The following NBEAL1 variants were observed in gnomAD, a reference collection of about 807,000 sequenced individuals.
NBEAL1 encodes the protein neurobeachin like 1.
In NBEAL1, 273 loss-of-function variants were observed where a neutral mutation model predicts 351.3. The observed-to-expected ratio is 0.78, with a 90% CI of 0.70 to 0.86. The LOEUF (loss-of-function observed/expected upper bound fraction) is 0.86. Among genes scored for constraint, NBEAL1 ranks in the 40% least tolerant of loss-of-function variants. The pLI is 0.00. For synonymous variants in NBEAL1, 1,050 were observed against 1,086.4 expected (o/e 0.97, Z 0.66); for missense variants, 2,961 against 3,201.3 (o/e 0.92, Z 1.81).
At chr2:203,152,311 C>G (rs1008176139) in intron 35 of NBEAL1, among the ~76,000 whole-genome samples, 1 of 150,380 alleles carries the variant, frequency 6.6e-6, no homozygotes, top group African/African-American at 2.5e-5. Flanking sequence ...TTATAGTGCT[C>G]TAGACCCTTA....
chr2:203,097,883 G>A (rs889132455), intron 11 of NBEAL1, among the ~76,000 whole-genome samples: 1 of 152,094 alleles, frequency 6.6e-6, no homozygotes, highest in Non-Finnish European at 1.5e-5. Context: ...TTTTCAATTT[G>A]AGGAGATATA....
At chr2:203,175,366 G>A (rs2064468737) in intron 42 of NBEAL1, 79 bp downstream of exon 42, 2 of 1,381,530 alleles carry the variant, frequency 1.4e-6, no homozygotes, top group Admixed American at 4.6e-5. Flanking sequence ...CATGTACTGT[G>A]TAACATGTCT....
Position 203,194,201 on chromosome 2 carries a change from G to A in NBEAL1, c.7038+290G>A, listed in dbSNP as rs1003165184. ...AAATGCTTCTTGTGACAATCGAGAT[G>A]ATATGTAGATGGAGATAATAATTTA... On this transcript the variant is annotated intron_variant, in intron 47 of 55. Coordinates refer to ENST00000683969, the MANE Select transcript of NBEAL1 (RefSeq NM_001378026.1). 6.6e-5 allele frequency among the ~76,000 whole-genome samples: 10 copies of A among 152,272 alleles called. No homozygotes were observed. The East Asian group carries it at 1.9e-3, about 29-fold the overall frequency.
At chr2:203,206,046 C>G (rs916541983) in intron 51 of NBEAL1, among the ~76,000 whole-genome samples, 12 of 152,068 alleles carry the variant, frequency 7.9e-5, no homozygotes, top group Admixed American at 5.9e-4. Context: ...AGACAAAGCA[C>G]GCTAAAGACA....
intron 2 of NBEAL1, among the ~76,000 whole-genome samples, chr2:203,028,102 T>C (rs1168323029): frequency 1.3e-5 from 2 of 152,088 alleles, no homozygotes; most frequent in African/African-American, 4.8e-5. Context: ...CAGGAAGGTC[T>C]TGATCTCTTG....
At chr2:203,153,256 C>G (rs2063709564) in intron 35 of NBEAL1, among the ~76,000 whole-genome samples, 1 of 151,328 alleles carries the variant, frequency 6.6e-6, no homozygotes, top group South Asian at 2.1e-4. Context: ...CCTCAGCCTC[C>G]TGATTAGCTG....
At chr2:203,049,744 T>G in intron 3 of NBEAL1, 70 bp from the exon 4 acceptor site, 2 of 1,350,142 alleles carry the variant, frequency 1.5e-6, no homozygotes, top group Non-Finnish European at 2.0e-6. Flanking sequence ...AAAATGAAGT[T>G]CATTTAAATG....
At chr2:203,018,690 A>G (rs1325361814) in intron 2 of NBEAL1, among the ~76,000 whole-genome samples, 6 of 152,144 alleles carry the variant, frequency 3.9e-5, no homozygotes, top group African/African-American at 1.4e-4. Context: ...GAGATGTTAT[A>G]GTGAACTCTT....
At chr2:203,044,812 A>G (rs915501538) in intron 3 of NBEAL1, among the ~76,000 whole-genome samples, 10 of 152,198 alleles carry the variant, frequency 6.6e-5, no homozygotes, top group Non-Finnish European at 8.8e-5. Flanking sequence ...TTCATAATGT[A>G]AAGCAGAGAT....
At chr2:203,159,186 G>T (rs956651532) in intron 36 of NBEAL1, among the ~76,000 whole-genome samples, 1 of 151,976 alleles carries the variant, frequency 6.6e-6, no homozygotes, top group Non-Finnish European at 1.5e-5. Flanking sequence ...TCTTATCCAG[G>T]GAGGTCTTTA....
intron 41 of NBEAL1, among the ~76,000 whole-genome samples, chr2:203,173,266 AAAG>A (rs1304406330): frequency 6.6e-6 from 1 of 152,174 alleles, no homozygotes; most frequent in African/African-American, 2.4e-5. Context: ...TAATGTGAAT[AAAG>A]AAGAGAGAAT....
At chr2:203,158,625 G>T (rs1019839913) in intron 36 of NBEAL1, among the ~76,000 whole-genome samples, 1 of 151,946 alleles carries the variant, frequency 6.6e-6, no homozygotes. Context: ...GCTGTTTTAT[G>T]CAGTTGTCTT....
At chr2:203,210,036 C>G (rs1437281461) in intron 53 of NBEAL1, among the ~76,000 whole-genome samples, 1 of 152,070 alleles carries the variant, frequency 6.6e-6, no homozygotes, top group Non-Finnish European at 1.5e-5. Context: ...CAGACATGAG[C>G]CACCATGCCC....
At chr2:203,039,226 CTTCCCTTCCCTTCCCT>C (rs2061091189) in intron 2 of NBEAL1, among the ~76,000 whole-genome samples, 1 of 9,496 alleles carries the variant, frequency 1.1e-4, no homozygotes, top group Non-Finnish European at 2.9e-4. Flanking sequence ...TTTCCCTTCC[CTTCCCTTCCCTTCCCT>C]TCCCTTCCCT....
intron 17 of NBEAL1, among the ~76,000 whole-genome samples, chr2:203,114,979 T>C (rs1257973833): frequency 2.0e-5 from 3 of 152,210 alleles, no homozygotes; most frequent in African/African-American, 7.2e-5. Context: ...CTTGAACTCC[T>C]GGCCTCAAGT....
chr2:203,215,983 T>G (rs183549264), intron 55 of NBEAL1, among the ~76,000 whole-genome samples: 1 of 135,452 alleles, frequency 7.4e-6, no homozygotes, highest in Admixed American at 8.2e-5. Flanking sequence ...TGCACTACAG[T>G]GTGGGCAACA....
intron 7 of NBEAL1, among the ~76,000 whole-genome samples, chr2:203,070,339 T>TTCTCTCTCTC (rs1227694604): frequency 6.6e-6 from 1 of 150,514 alleles, no homozygotes; most frequent in African/African-American, 2.4e-5. Context: ...TAACTTGTAT[T>TTCTCTCTCTC]TCTCTCTCTC....
rs564189743 is a variant in NBEAL1 at position 203,015,468 on chromosome 2, C to T, written c.-230+486C>T. 2.0e-5 allele frequency among the ~76,000 whole-genome samples: 3 copies of T among 151,600 alleles called. No homozygotes were observed. The South Asian group carries it at 6.3e-4, about 32-fold the overall frequency. ...GCAAACAGTCCCAACTACTCCACCCCCACCCCACCCCAGACGGAGTCTTGC... is the reference window on the plus strand; with the variant it reads ...GCAAACAGTCCCAACTACTCCACCCTCACCCCACCCCAGACGGAGTCTTGC... On this transcript the variant is annotated intron_variant, in intron 1 of 55. Coordinates refer to ENST00000683969, the MANE Select transcript of NBEAL1 (RefSeq NM_001378026.1).
At chr2:203,185,751 T>G (rs72936323) in intron 44 of NBEAL1, among the ~76,000 whole-genome samples, 14,235 of 152,184 alleles carry the variant, frequency 0.094, 772 homozygotes, top group Non-Finnish European at 0.12. Flanking sequence ...TCCAACTGGG[T>G]AGTCAGACTC....
Sources: allele counts gnomAD v4.1 joint callset (sites outside exome capture counted in the v4.1 genomes callset), GRCh38; gene constraint gnomAD v4.1.1; transcripts MANE v1.5; gene names NCBI Gene and HGNC (gene_info 2026-07-23, HGNC 2026-07-21).